Variants in RGS6 observed in about 807,000 individuals in gnomAD.
RGS6 encodes the protein regulator of G-protein signaling 6.
In RGS6, 30 loss-of-function variants were observed where a neutral mutation model predicts 78.5. The observed-to-expected ratio is 0.38, with a 90% CI of 0.29 to 0.52. The LOEUF (loss-of-function observed/expected upper bound fraction) is 0.52, where lower values mean the gene tolerates loss of function less well. RGS6 is among the 20% of genes least tolerant of loss of function. The pLI is 0.85. For synonymous variants in RGS6, 206 were observed against 206.0 expected, an observed-to-expected ratio of 1.00 and a Z score of 0.00; for missense variants, 495 against 609.7, an observed-to-expected ratio of 0.81 and a Z score of 1.98.
At chr14:72,628,326 T>C in the RGS6 span, among the ~76,000 whole-genome samples, 1 of 152,122 alleles carries the variant, frequency 6.6e-6, no homozygotes, top group Non-Finnish European at 1.5e-5. Flanking sequence ...TAAATAGATA[T>C]TTTAACCACA....
chr14:72,005,679 A>C lies in RGS6; in HGVS notation c.84+40804A>C, dbSNP rs112318782. Among the ~76,000 whole-genome samples, 402 of 152,262 alleles carry C rather than the reference A, an allele frequency of 2.6e-3. 3 individuals carry two copies. Among genetic ancestry groups the C allele is most frequent in the African/African-American group, 9.2e-3 (382 of 41,566 alleles). ...TCAGTGCACTTGCCTGACCTATTTTATATCCATTCTTGCATCTATTTCATT... is the reference window on the plus strand; with the variant it reads ...TCAGTGCACTTGCCTGACCTATTTTCTATCCATTCTTGCATCTATTTCATT... On this transcript the variant is annotated intron_variant, in intron 2 of 17. Transcript: ENST00000553525.
At chr14:72,192,732 G>A (rs192683561) in intron 2 of RGS6, among the ~76,000 whole-genome samples, 89 of 152,274 alleles carry the variant, frequency 5.8e-4, no homozygotes, top group Admixed American at 5.2e-4. Flanking sequence ...ATATCTCCTG[G>A]TAGGATATAA....
chr14:72,345,328 T>G (rs1456208324), intron 2 of RGS6, among the ~76,000 whole-genome samples: 2 of 152,210 alleles, frequency 1.3e-5, no homozygotes, highest in Non-Finnish European at 2.9e-5. Flanking sequence ...AGCCCCCATC[T>G]TTGGAGATTG....
chr14:72,303,693 C>A (rs541011116), intron 2 of RGS6, among the ~76,000 whole-genome samples: 17 of 152,236 alleles, frequency 1.1e-4, no homozygotes, highest in African/African-American at 4.1e-4. Context: ...CCTCAATCAA[C>A]TAATTTCCTT....
the RGS6 span, among the ~76,000 whole-genome samples, chr14:71,868,572 A>G: frequency 6.6e-6 from 1 of 152,234 alleles, no homozygotes; most frequent in African/African-American, 2.4e-5. Flanking sequence ...ACATGTAATG[A>G]GGTGGTCACA....
At chr14:71,960,907 C>T (rs4899407) in intron 1 of RGS6, among the ~76,000 whole-genome samples, 28,832 of 152,190 alleles carry the variant, frequency 0.19, 2,839 homozygotes, top group African/African-American at 0.24. Context: ...CCACATATTA[C>T]AGTGTCCTTT....
intron 2 of RGS6, among the ~76,000 whole-genome samples, chr14:72,180,668 A>G (rs1016230662): frequency 6.6e-6 from 1 of 152,216 alleles, no homozygotes; most frequent in Admixed American, 6.5e-5. Flanking sequence ...TATGTCCCCA[A>G]GAGTTCTTGT....
At chr14:72,027,043 G>A (rs779041072) in intron 2 of RGS6, among the ~76,000 whole-genome samples, 2 of 152,138 alleles carry the variant, frequency 1.3e-5, no homozygotes, top group Non-Finnish European at 2.9e-5. Flanking sequence ...CTTAAGGTAG[G>A]AGAGGATGCC....
At chr14:72,072,707 G>C (rs1362190192) in intron 2 of RGS6, among the ~76,000 whole-genome samples, 1 of 152,154 alleles carries the variant, frequency 6.6e-6, no homozygotes, top group Non-Finnish European at 1.5e-5. Context: ...GGCCTTTTAG[G>C]TAATCACTGG....
chr14:72,140,309 A>G (rs2096521987), intron 2 of RGS6, among the ~76,000 whole-genome samples: 1 of 152,148 alleles, frequency 6.6e-6, no homozygotes, highest in Non-Finnish European at 1.5e-5. Flanking sequence ...TTTATTCACA[A>G]AGTCTTTATA....
chr14:72,230,591 C>G (rs746736192), intron 2 of RGS6, among the ~76,000 whole-genome samples: 1 of 152,150 alleles, frequency 6.6e-6, no homozygotes, highest in South Asian at 2.1e-4. Context: ...TACACACACA[C>G]AGAAATTTAT....
At chr14:72,548,736 C>A (rs868180592) in intron 17 of RGS6, among the ~76,000 whole-genome samples, 1 of 152,142 alleles carries the variant, frequency 6.6e-6, no homozygotes, top group Non-Finnish European at 1.5e-5. Flanking sequence ...TGATGGCCAC[C>A]GTGAGCTCTT....
chr14:72,583,061 A>G, the RGS6 span, among the ~76,000 whole-genome samples: 1 of 152,142 alleles, frequency 6.6e-6, no homozygotes, highest in African/African-American at 2.4e-5. Flanking sequence ...CTGAACTGGG[A>G]CACTCTTCTC....
intron 3 of RGS6, among the ~76,000 whole-genome samples, chr14:72,364,536 C>T (rs2152806638): frequency 6.6e-6 from 1 of 152,322 alleles, no homozygotes; most frequent in Middle Eastern, 3.4e-3. Context: ...GCAGATACTC[C>T]AACATTGGAG....
At chr14:72,078,297 C>T (rs963875943) in intron 2 of RGS6, among the ~76,000 whole-genome samples, 2 of 152,146 alleles carry the variant, frequency 1.3e-5, no homozygotes, top group Admixed American at 1.3e-4. Context: ...TTCCTGAGGC[C>T]TCTCCAGAAG....
chr14:71,971,430 T>C (rs1357758083), intron 2 of RGS6, among the ~76,000 whole-genome samples: 1 of 152,162 alleles, frequency 6.6e-6, no homozygotes, highest in Non-Finnish European at 1.5e-5. Flanking sequence ...TTTCCTCTTC[T>C]GGGTCCGGAC....
At chr14:71,913,306 C>T in the RGS6 span, among the ~76,000 whole-genome samples, 1 of 152,194 alleles carries the variant, frequency 6.6e-6, no homozygotes, top group Non-Finnish European at 1.5e-5. Flanking sequence ...TAAGGCTGGC[C>T]CTGCAAGGCA....
At chr14:72,510,338 G>A (rs538700135) in intron 14 of RGS6, 59 bp downstream of exon 14, 36 of 1,597,510 alleles carry the variant, frequency 2.3e-5, no homozygotes, top group Admixed American at 1.2e-4. Flanking sequence ...TTGCATAATC[G>A]GTCTCTCCAT....
chr14:71,905,207 G>A, the RGS6 span, among the ~76,000 whole-genome samples: 3 of 152,120 alleles, frequency 2.0e-5, no homozygotes, highest in African/African-American at 4.8e-5. Flanking sequence ...AATAAAGAGA[G>A]CTACACGGAC....
Sources: allele counts gnomAD v4.1 joint callset (sites outside exome capture counted in the v4.1 genomes callset), GRCh38; gene constraint gnomAD v4.1.1; transcripts MANE v1.5; gene names NCBI Gene and HGNC (gene_info 2026-07-23, HGNC 2026-07-21).